Variants in EPHA3 observed in about 807,000 individuals in gnomAD.
EPHA3 encodes the protein EPH receptor A3.
In EPHA3, 42 loss-of-function variants were observed where a neutral mutation model predicts 107.1. The ratio of observed to expected loss-of-function variants is 0.39; its 90% CI spans 0.31 to 0.51. The LOEUF (loss-of-function observed/expected upper bound fraction) is 0.51. Among genes scored for constraint, EPHA3 ranks in the 20% least tolerant of loss-of-function variants. EPHA3 has a pLI of 0.78. For missense variants in EPHA3, 1,183 were observed against 1,211.2 expected (o/e 0.98, Z 0.35); for synonymous variants, 461 against 424.8 (o/e 1.09, Z -1.05).
chr3:89,117,717 T>A (rs1294197398), intron 1 of EPHA3, among the ~76,000 whole-genome samples: 1 of 152,136 alleles, frequency 6.6e-6, no homozygotes, highest in African/African-American at 2.4e-5. Context: ...ATAATTTTTT[T>A]TTGAATTACA....
At chr3:89,323,010 AAT>A (rs1707079307) in intron 3 of EPHA3, among the ~76,000 whole-genome samples, 1 of 152,084 alleles carries the variant, frequency 6.6e-6, no homozygotes. Context: ...TATCTTTGTG[AAT>A]TATATTTAAA....
intron 5 of EPHA3, among the ~76,000 whole-genome samples, chr3:89,345,020 A>G (rs1431201166): frequency 1.3e-5 from 2 of 151,372 alleles, no homozygotes; most frequent in Non-Finnish European, 3.0e-5. Context: ...TTATAACGAC[A>G]TAAATTGCTG....
rs141395162 is a variant in EPHA3 at position 89,420,172 on chromosome 3, T to G, written c.2074+782T>G. Among the ~76,000 whole-genome samples the G allele has an allele frequency of 2.8e-4, 42 of 151,612 alleles. 1 individual carries two copies. In the East Asian group the frequency reaches 6.4e-3, roughly 23 times the overall value. ...AGAATAAGTGAAATTGGCAGCAAAC[T>G]TTTTAGAGTGAAAGACAACATATGG... On this transcript the variant is annotated intron_variant, in intron 11 of 16. Coordinates refer to ENST00000336596, the MANE Select transcript of EPHA3 (RefSeq NM_005233.6).
chr3:89,366,136 C>T (rs1247199506), intron 5 of EPHA3, among the ~76,000 whole-genome samples: 1 of 150,512 alleles, frequency 6.6e-6, no homozygotes, highest in Non-Finnish European at 1.5e-5. Flanking sequence ...ATAATTAAAA[C>T]CATGACCAGT....
At chr3:89,291,597 C>G (rs1176968403) in intron 3 of EPHA3, among the ~76,000 whole-genome samples, 1 of 151,990 alleles carries the variant, frequency 6.6e-6, no homozygotes, top group Non-Finnish European at 1.5e-5. Flanking sequence ...GTAGTAAAAT[C>G]AATAAGAGAG....
At chr3:89,252,372 G>A (rs879682301) in intron 3 of EPHA3, among the ~76,000 whole-genome samples, 7 of 152,146 alleles carry the variant, frequency 4.6e-5, no homozygotes, top group Non-Finnish European at 1.0e-4. Context: ...CTCAAGTGGA[G>A]TACGGACGTA....
At chr3:89,432,338 T>A (rs535283143) in intron 13 of EPHA3, among the ~76,000 whole-genome samples, 33 of 152,314 alleles carry the variant, frequency 2.2e-4, no homozygotes, top group Admixed American at 8.5e-4. Context: ...TAATTCAAAA[T>A]GCATTTGAAT....
intron 2 of EPHA3, among the ~76,000 whole-genome samples, chr3:89,171,093 T>G (rs755442824): frequency 1.2e-4 from 18 of 152,162 alleles, no homozygotes; most frequent in Non-Finnish European, 2.5e-4. Flanking sequence ...GCCTTGATAT[T>G]ACATGAAGAT....
rs533801516 is a variant in EPHA3, at chr3:89,309,624, C to T, written c.815-31292C>T. Among the ~76,000 whole-genome samples, 4 of 152,136 alleles carry T rather than the reference C, an allele frequency of 2.6e-5. No individual in the cohort carries two copies. The East Asian group carries it at 5.8e-4, about 22-fold the overall frequency. ...CATATTGGGGCACCAGAGCACTAAG[C>T]GTAGCTAGATTAATCTACTTTACTG... On this transcript the variant is annotated intron_variant, in intron 3 of 16. Transcript: ENST00000336596.
intron 5 of EPHA3, among the ~76,000 whole-genome samples, chr3:89,357,733 C>T (rs906331960): frequency 5.9e-5 from 9 of 151,262 alleles, no homozygotes; most frequent in Non-Finnish European, 1.0e-4. Context: ...ACATTGCCTA[C>T]TGTTCCATTA....
intron 2 of EPHA3, among the ~76,000 whole-genome samples, chr3:89,132,978 G>A (rs963522102): frequency 6.6e-6 from 1 of 152,072 alleles, no homozygotes; most frequent in African/African-American, 2.4e-5. Context: ...TATCACTTTA[G>A]AGCAAATGAG....
At chr3:89,371,483 A>G (rs1353038097) in intron 5 of EPHA3, among the ~76,000 whole-genome samples, 3 of 151,716 alleles carry the variant, frequency 2.0e-5, no homozygotes, top group Non-Finnish European at 4.4e-5. Flanking sequence ...AAAAGATAAG[A>G]TAAGAAATGA....
chr3:89,251,228 C>CAAGAAACTAGATAAATAA (rs1705159312), intron 3 of EPHA3, among the ~76,000 whole-genome samples: 2 of 151,724 alleles, frequency 1.3e-5, no homozygotes, highest in Non-Finnish European at 2.9e-5. Context: ...GAATAAAAAA[C>CAAGAAACTAGATAAATAA]AAACTAGAAA....
chr3:89,110,611 C>T (rs1707080727), intron 1 of EPHA3, among the ~76,000 whole-genome samples: 2 of 151,924 alleles, frequency 1.3e-5, no homozygotes, highest in Admixed American at 1.3e-4. Flanking sequence ...TTTATAAAAA[C>T]TTTATTAAAT....
intron 2 of EPHA3, among the ~76,000 whole-genome samples, chr3:89,208,476 AAGAAAG>A (rs1468302439): frequency 1.8e-4 from 27 of 146,148 alleles, no homozygotes; most frequent in African/African-American, 6.3e-4. Context: ...GAAAGAAAGA[AAGAAAG>A]AGAAAAAGAA....
chr3:89,399,453 A>G lies in EPHA3; in HGVS notation c.1567A>G (p.Lys523Glu), dbSNP rs1226229275. Residue 523 changes from lysine (K) to glutamate (E), a missense_variant, in exon 7 of 17, where the codon AAG (lysine) becomes GAG (glutamate). Transcript: ENST00000336596. ...TAAGYGTNSR[K>E]FEFETSPDSF... ...CGCTGGATATGGGACGAACAGCCGC[A>G]AGTTTGAGTTTGAAACTAGTCCAGA... 1.9e-6 allele frequency: 3 copies of G among 1,614,010 alleles called. No individual in the cohort carries two copies. Among genetic ancestry groups the G allele is most frequent in the Non-Finnish European group, 2.5e-6 (3 of 1,180,014 alleles).
chr3:89,140,357 T>G (rs1176742498), intron 2 of EPHA3, among the ~76,000 whole-genome samples: 2 of 151,846 alleles, frequency 1.3e-5, no homozygotes, highest in African/African-American at 2.4e-5. Context: ...GGATTGGATA[T>G]GTTATCTTCT....
At chr3:89,472,715 C>T in intron 16 of EPHA3, 96 bp downstream of exon 16, 1 of 1,369,032 alleles carries the variant, frequency 7.3e-7, no homozygotes, top group Non-Finnish European at 9.9e-7. Flanking sequence ...TGACATGTTA[C>T]AAATATTAGT....
In EPHA3 at chr3:89,203,566, G is replaced by T. The variant is rs577688672; in HGVS notation, c.154-6294G>T. 3.1e-3 allele frequency among the ~76,000 whole-genome samples: 464 copies of T among 151,900 alleles called. 2 individuals carry two copies. The highest frequency in any genetic ancestry group is 4.7e-3 in the Non-Finnish European group (317 of 67,960). Reference sequence around the variant, plus strand: ...AGGCGGGCAGATCACGCGGTCAGGAGATCGAGACCATCCTGGCTAGCACGG... The same window carrying T: ...AGGCGGGCAGATCACGCGGTCAGGATATCGAGACCATCCTGGCTAGCACGG... On this transcript the variant is annotated intron_variant, in intron 2 of 16. Transcript: ENST00000336596.
Sources: allele counts gnomAD v4.1 joint callset (sites outside exome capture counted in the v4.1 genomes callset), GRCh38; gene constraint gnomAD v4.1.1; transcripts MANE v1.5; gene names NCBI Gene and HGNC (gene_info 2026-07-23, HGNC 2026-07-21).